NALF1: variants seen among roughly 807,000 people sequenced by gnomAD.
NALF1 encodes the protein family with sequence similarity 155 member A.
NALF1 carries 3 observed loss-of-function variants against 48.4 expected under a neutral mutation model. The observed-to-expected ratio is 0.06, with a 90% confidence interval of 0.03 to 0.16. NALF1 has a LOEUF of 0.16. Ranked by LOEUF, NALF1 falls within the 10% of genes least tolerant of loss-of-function variation. The pLI is 1.00. For missense variants in NALF1, 526 were observed against 571.5 expected, an observed-to-expected ratio of 0.92 and a Z score of 0.81; for synonymous variants, 262 against 245.7, an observed-to-expected ratio of 1.07 and a Z score of -0.62.
At chr13:107,197,093 TGAGCTG>T (rs1342815401) in intron 2 of NALF1, among the ~76,000 whole-genome samples, 1 of 152,194 alleles carries the variant, frequency 6.6e-6, no homozygotes, top group East Asian at 1.9e-4. Context: ...AAGAGATGCC[TGAGCTG>T]GCAGGTATGC....
intron 1 of NALF1, among the ~76,000 whole-genome samples, chr13:107,539,567 A>AT (rs1259709201): frequency 3.9e-5 from 6 of 152,240 alleles, no homozygotes; most frequent in Non-Finnish European, 8.8e-5. Flanking sequence ...TTCTAAACTT[A>AT]TTTTTCATCT....
chr13:107,388,679 T>A (rs1422523465), intron 1 of NALF1, among the ~76,000 whole-genome samples: 1 of 152,078 alleles, frequency 6.6e-6, no homozygotes, highest in Non-Finnish European at 1.5e-5. Context: ...GTGTACTCCA[T>A]CAAGAAAAAG....
intron 1 of NALF1, among the ~76,000 whole-genome samples, chr13:107,477,528 C>G (rs555221407): frequency 1.3e-5 from 2 of 152,070 alleles, no homozygotes; most frequent in African/African-American, 4.8e-5. Flanking sequence ...TAGGCCCTCC[C>G]TTCTGAAAAT....
chr13:107,343,083 T>G (rs1030897195), intron 1 of NALF1, among the ~76,000 whole-genome samples: 1 of 152,206 alleles, frequency 6.6e-6, no homozygotes, highest in African/African-American at 2.4e-5. Context: ...CACATTTTTC[T>G]TAAGTTCACA....
rs182228684 is a variant in NALF1, at chr13:107,338,991, G to C, written c.916-128236C>G. Among the ~76,000 whole-genome samples the C allele has an allele frequency of 2.6e-3, 401 of 151,996 alleles. 1 individual carries two copies. Among genetic ancestry groups the C allele is most frequent in the Non-Finnish European group, 3.8e-3 (260 of 67,962 alleles). On this transcript the variant is annotated intron_variant, in intron 1 of 2. Transcript: ENST00000375915. ...ACTAAAAATACAAAAAAAATTAGCCGGGCGTGGTGGCAGGTGCCTGTAGTT... is the reference window on the plus strand; with the variant it reads ...ACTAAAAATACAAAAAAAATTAGCCCGGCGTGGTGGCAGGTGCCTGTAGTT...
At chr13:107,357,105 C>T (rs1401525840) in intron 1 of NALF1, among the ~76,000 whole-genome samples, 2 of 152,090 alleles carry the variant, frequency 1.3e-5, no homozygotes, top group Admixed American at 1.3e-4. Context: ...TGCATTAGTC[C>T]ATTTTTACAC....
chr13:107,507,365 G>T (rs1875732485), intron 1 of NALF1, among the ~76,000 whole-genome samples: 1 of 151,824 alleles, frequency 6.6e-6, no homozygotes, highest in Non-Finnish European at 1.5e-5. Flanking sequence ...TAGAATAGAG[G>T]ACATCTGTTT....
At chr13:107,217,268 G>A (rs1036621452) in intron 1 of NALF1, among the ~76,000 whole-genome samples, 3 of 152,112 alleles carry the variant, frequency 2.0e-5, no homozygotes, top group Admixed American at 6.6e-5. Flanking sequence ...CCCTGATCAT[G>A]GTTGATTGAA....
intron 2 of NALF1, among the ~76,000 whole-genome samples, chr13:107,206,153 C>T (rs1879635250): frequency 6.6e-6 from 1 of 152,152 alleles, no homozygotes. Context: ...CTCAGAATTT[C>T]TTTCCAATTA....
At chr13:107,712,166 A>G (rs1031231274) in intron 1 of NALF1, among the ~76,000 whole-genome samples, 1 of 152,176 alleles carries the variant, frequency 6.6e-6, no homozygotes, top group African/African-American at 2.4e-5. Flanking sequence ...TGTTGCCTCA[A>G]TTTGGCAATT....
At chr13:107,527,141 AATGTCAG>A (rs748964029) in intron 1 of NALF1, among the ~76,000 whole-genome samples, 4 of 152,174 alleles carry the variant, frequency 2.6e-5, no homozygotes, top group Non-Finnish European at 4.4e-5. Context: ...GAAAAAAATA[AATGTCAG>A]ATAGGACTAT....
chr13:107,670,213 G>C (rs1282254204), intron 1 of NALF1, among the ~76,000 whole-genome samples: 1 of 152,080 alleles, frequency 6.6e-6, no homozygotes, highest in Non-Finnish European at 1.5e-5. Flanking sequence ...TCAATTAGGT[G>C]AATTTAAATG....
intron 1 of NALF1, among the ~76,000 whole-genome samples, chr13:107,452,974 T>C (rs1243346954): frequency 1.3e-5 from 2 of 152,198 alleles, no homozygotes; most frequent in Non-Finnish European, 2.9e-5. Context: ...TTTGACTCCA[T>C]GTCTCATATC....
In NALF1 at chr13:107,838,797, G is replaced by A. The variant is rs115511645; in HGVS notation, c.915+26885C>T. On this transcript the variant is annotated intron_variant, in intron 1 of 2. Coordinates refer to ENST00000375915, the MANE Select transcript of NALF1 (RefSeq NM_001080396.3). ...CTCCCTGAGCAGGTGGGAGGATGGC[G>A]CAGAGCTCTTCAATCACTCATCTGC... Among the ~76,000 whole-genome samples the A allele has an allele frequency of 2.5e-3, 377 of 152,254 alleles. 3 individuals are homozygous for A. The highest frequency in any genetic ancestry group is 8.2e-3 in the African/African-American group (339 of 41,542).
At chr13:107,283,784 T>C (rs1461216134) in intron 1 of NALF1, among the ~76,000 whole-genome samples, 3 of 151,822 alleles carry the variant, frequency 2.0e-5, no homozygotes, top group Non-Finnish European at 4.4e-5. Context: ...CTCAGCCTCC[T>C]GAGTAGCTCG....
intron 1 of NALF1, among the ~76,000 whole-genome samples, chr13:107,298,351 C>CAAAAAAAAAAAAAAAAAAAA (rs1192707023): frequency 6.0e-5 from 1 of 16,622 alleles, no homozygotes; most frequent in Non-Finnish European, 1.1e-4. Flanking sequence ...GACTCCATCT[C>CAAAAAAAAAAAAAAAAAAAA]AAAAAAAAAA....
At chr13:107,223,499 A>G (rs896126583) in intron 1 of NALF1, among the ~76,000 whole-genome samples, 5 of 152,212 alleles carry the variant, frequency 3.3e-5, no homozygotes, top group African/African-American at 1.2e-4. Context: ...GTTATTGTCT[A>G]AAAGCTGAGA....
At chr13:107,667,172 C>T (rs1033563093) in intron 1 of NALF1, among the ~76,000 whole-genome samples, 16 of 151,920 alleles carry the variant, frequency 1.1e-4, no homozygotes, top group African/African-American at 3.9e-4. Flanking sequence ...TAAACAGATA[C>T]CCAACAATTT....
At chr13:107,317,225 A>G (rs574315955) in intron 1 of NALF1, among the ~76,000 whole-genome samples, 1 of 152,200 alleles carries the variant, frequency 6.6e-6, no homozygotes, top group Non-Finnish European at 1.5e-5. Flanking sequence ...TAATATAACT[A>G]TTTTCAAGAG....
Sources: gnomAD v4.1 joint callset for allele counts (sites outside exome capture counted in the v4.1 genomes callset) on GRCh38, gnomAD v4.1.1 for gene constraint, MANE v1.5 for transcripts, NCBI Gene and HGNC (gene_info 2026-07-23, HGNC 2026-07-21) for gene names.